The following PTPRZ1 variants were observed in gnomAD, a reference collection of about 807,000 sequenced individuals.
PTPRZ1 encodes protein tyrosine phosphatase receptor type Z1.
PTPRZ1 carries 82 observed loss-of-function variants against 214.1 expected under a neutral mutation model. That is an observed-to-expected ratio of 0.38 (90% CI 0.32 to 0.46). The LOEUF is 0.46. Ranked by LOEUF, PTPRZ1 falls within the 20% of genes least tolerant of loss-of-function variation. The pLI, the probability that PTPRZ1 is intolerant of heterozygous loss-of-function variation, is 1.00. For synonymous variants in PTPRZ1, 945 were observed against 987.9 expected, an observed-to-expected ratio of 0.96 and a Z score of 0.81; for missense variants, 2,603 against 2,748.7, an observed-to-expected ratio of 0.95 and a Z score of 1.19.
rs1171412566 is a variant in PTPRZ1, at chr7:121,919,291, T to C, written c.59-8865T>C. On this transcript the variant is annotated intron_variant, in intron 1 of 29. Coordinates refer to ENST00000393386, the MANE Select transcript of PTPRZ1 (RefSeq NM_002851.3). Reference sequence around the variant, plus strand: ...CTGTTTCTTTGACACCAGTAAAGTCTCACAGTTCTTTATAAATTTATTAAT... The same window carrying C: ...CTGTTTCTTTGACACCAGTAAAGTCCCACAGTTCTTTATAAATTTATTAAT... Among the ~76,000 whole-genome samples, 6 of 152,232 alleles carry C rather than the reference T, an allele frequency of 3.9e-5. No individual in the cohort carries two copies. In the East Asian group the frequency reaches 1.2e-3, roughly 29 times the overall value.
chr7:122,000,878 G>T (rs1798303258), intron 10 of PTPRZ1, among the ~76,000 whole-genome samples: 1 of 151,208 alleles, frequency 6.6e-6, no homozygotes, highest in Non-Finnish European at 1.5e-5. Context: ...TAGAGACGGG[G>T]TTTCACCATG....
chr7:121,880,137 C>T (rs1265557810), intron 1 of PTPRZ1, among the ~76,000 whole-genome samples: 1 of 152,026 alleles, frequency 6.6e-6, no homozygotes, highest in African/African-American at 2.4e-5. Flanking sequence ...GTAAAATGGG[C>T]TGATTGTCTT....
chr7:121,952,397 A>G (rs1468279540), intron 2 of PTPRZ1, among the ~76,000 whole-genome samples: 3 of 152,162 alleles, frequency 2.0e-5, no homozygotes, highest in East Asian at 3.9e-4. Context: ...CATCCTGGGC[A>G]ACATAGAGAG....
At chr7:122,022,810 C>T (rs1378658530) in intron 13 of PTPRZ1, among the ~76,000 whole-genome samples, 3 of 152,096 alleles carry the variant, frequency 2.0e-5, no homozygotes, top group South Asian at 2.1e-4. Flanking sequence ...TCATGCTTCC[C>T]AGTTGCAAAA....
chr7:121,994,366 C>T (rs2116604706), intron 8 of PTPRZ1, among the ~76,000 whole-genome samples: 1 of 120,772 alleles, frequency 8.3e-6, no homozygotes, highest in South Asian at 2.7e-4. Context: ...GCAATCTGGG[C>T]TCACTGCAAG....
chr7:121,967,744 A>C (rs1445617044), intron 2 of PTPRZ1, among the ~76,000 whole-genome samples: 1 of 152,170 alleles, frequency 6.6e-6, no homozygotes, highest in African/African-American at 2.4e-5. Context: ...TTATAGTGGC[A>C]TGGTTGTTCT....
intron 3 of PTPRZ1, among the ~76,000 whole-genome samples, chr7:121,969,549 G>A (rs1276534795): frequency 7.1e-5 from 8 of 112,338 alleles, no homozygotes; most frequent in Non-Finnish European, 1.1e-4. Flanking sequence ...CAACAAGAGC[G>A]AAACTCTGTC....
rs116048583 is a variant in PTPRZ1 at position 121,886,689 on chromosome 7, C to T, written c.58+13132C>T. The stretch of plus-strand genomic sequence containing the variant: ...TGACTGTTGAAATGATTTAAGGAAT[C>T]GGATTCTTAGGACTTTCCTTTTACA... On this transcript the variant is annotated intron_variant, in intron 1 of 29. Transcript: ENST00000393386. Among the ~76,000 whole-genome samples the T allele has an allele frequency of 3.1e-3, 476 of 152,190 alleles. 4 individuals are homozygous for T. The highest frequency in any genetic ancestry group is 0.011 in the African/African-American group (445 of 41,538).
Position 122,039,343 on chromosome 7 carries a change from G to A in PTPRZ1, c.5503-111G>A. The A allele has an allele frequency of 2.6e-6, 3 of 1,147,172 alleles. No homozygotes were observed. In the South Asian group the frequency reaches 4.9e-5, roughly 19 times the overall value. The allele number at this position is 1,147,172 out of a possible 1,614,324, so 71.1% of individuals were successfully genotyped here. On this transcript the variant is annotated intron_variant, in intron 19 of 29. Coordinates refer to ENST00000393386, the MANE Select transcript of PTPRZ1 (RefSeq NM_002851.3). ...TATAAAGAAAATAAAACATTTAGAA[G>A]AGTGAAGGAGTCCATTCCTGTCACC...
chr7:121,880,088 A>G (rs1794189549), intron 1 of PTPRZ1, among the ~76,000 whole-genome samples: 1 of 152,198 alleles, frequency 6.6e-6, no homozygotes, highest in African/African-American at 2.4e-5. Context: ...TTTTTAAAGT[A>G]TGAGTTGGCA....
chr7:121,886,336 T>C (rs1035830172), intron 1 of PTPRZ1, among the ~76,000 whole-genome samples: 1 of 152,112 alleles, frequency 6.6e-6, no homozygotes, highest in African/African-American at 2.4e-5. Flanking sequence ...CTTTATCTGG[T>C]ATTCAGTAAT....
At chr7:122,051,284 T>C in intron 23 of PTPRZ1, 144 bp from the exon 24 acceptor site, 1 of 476,022 alleles carries the variant, frequency 2.1e-6, no homozygotes, top group Non-Finnish European at 3.6e-6. Context: ...ATTCAAGGAA[T>C]TGTTGGAAAA....
At chr7:122,039,621 G>T in intron 20 of PTPRZ1, 33 bp downstream of exon 20, 1 of 1,606,818 alleles carries the variant, frequency 6.2e-7, no homozygotes, top group South Asian at 1.1e-5. Flanking sequence ...ATAATCAAGT[G>T]AACAATGCAT....
chr7:121,908,901 C>T (rs755937702), intron 1 of PTPRZ1: 7 of 514,384 alleles, frequency 1.4e-5, no homozygotes, highest in African/African-American at 9.7e-5. Context: ...ATTGAATATT[C>T]ATTGGTGCCT....
intron 23 of PTPRZ1, among the ~76,000 whole-genome samples, chr7:122,046,551 G>C (rs931396847): frequency 8.5e-5 from 13 of 152,100 alleles, no homozygotes; most frequent in Non-Finnish European, 1.8e-4. Flanking sequence ...TTTAAGAGTT[G>C]AACACAGGAT....
intron 1 of PTPRZ1, among the ~76,000 whole-genome samples, chr7:121,903,727 A>G (rs1795035716): frequency 6.6e-6 from 1 of 152,088 alleles, no homozygotes; most frequent in Non-Finnish European, 1.5e-5. Flanking sequence ...TTCAAACTTC[A>G]CCTTTTACTC....
intron 8 of PTPRZ1, among the ~76,000 whole-genome samples, chr7:121,992,739 ATCT>A (rs1798009349): frequency 4.7e-5 from 3 of 64,450 alleles, no homozygotes; most frequent in South Asian, 8.9e-4. Context: ...CTGAGACACT[ATCT>A]TCTTCTTCTG....
intron 1 of PTPRZ1, among the ~76,000 whole-genome samples, chr7:121,888,795 C>T (rs527489933): frequency 1.3e-5 from 2 of 152,128 alleles, no homozygotes; most frequent in Admixed American, 1.3e-4. Context: ...AATTAAGAGA[C>T]ACTAAAAAAC....
In PTPRZ1 at chr7:121,976,871, A is replaced by G. The variant is rs1219401148; in HGVS notation, c.619+20A>G. On this transcript the variant is annotated intron_variant, in intron 6 of 29. Transcript: ENST00000393386. The stretch of plus-strand genomic sequence containing the variant: ...GTTTTGGTAAGCTACTTGGGGAACT[A>G]TCTTTCTTCAGGATTCTGCTTTGGA... The G allele has an allele frequency of 6.3e-6, 10 of 1,600,000 alleles. No individual in the cohort carries two copies. In the Admixed American group the frequency reaches 1.2e-4, roughly 19 times the overall value.
Sources: gnomAD v4.1 joint callset for allele counts (sites outside exome capture counted in the v4.1 genomes callset) on GRCh38, gnomAD v4.1.1 for gene constraint, MANE v1.5 for transcripts, NCBI Gene and HGNC (gene_info 2026-07-23, HGNC 2026-07-21) for gene names.